GSAP: variants seen among roughly 807,000 people sequenced by gnomAD.
GSAP encodes gamma-secretase-activating protein.
In GSAP, 118 loss-of-function variants were observed where a neutral mutation model predicts 131.7. The observed-to-expected ratio is 0.90, with a 90% CI of 0.77 to 1.04. The LOEUF is 1.04. Among genes scored for constraint, GSAP ranks in the 50% least tolerant of loss-of-function variants. The pLI is 0.00. For missense variants in GSAP, 1,019 were observed against 1,013.2 expected, an observed-to-expected ratio of 1.01 and a Z score of -0.08; for synonymous variants, 381 against 363.4, an observed-to-expected ratio of 1.05 and a Z score of -0.55.
chr7:77,416,160 T>G lies in GSAP; in HGVS notation c.109+53A>C, dbSNP rs573839087. 3.4e-4 allele frequency: 366 copies of G among 1,078,252 alleles called. 1 individual carries two copies. In the African/African-American group the frequency reaches 5.7e-3, roughly 17 times the overall value. The allele number at this position is 1,078,252 out of a possible 1,614,324, so 66.8% of individuals were successfully genotyped here. ...CCACCGGGTCGGAGTCCGGGGGGTA[T>G]GAGGGACTCCCACTCCCCGCCCCCA... On this transcript the variant is annotated intron_variant, in intron 1 of 30. Coordinates refer to ENST00000257626, the MANE Select transcript of GSAP (RefSeq NM_017439.4).
At chr7:77,411,738 T>A (rs1056130117) in intron 1 of GSAP, among the ~76,000 whole-genome samples, 1 of 152,164 alleles carries the variant, frequency 6.6e-6, no homozygotes, top group Non-Finnish European at 1.5e-5. Context: ...CCAAATCAAC[T>A]TTTTTTGTAA....
At chr7:77,368,280 G>A (rs1795602768) in intron 12 of GSAP, among the ~76,000 whole-genome samples, 1 of 152,182 alleles carries the variant, frequency 6.6e-6, no homozygotes, top group African/African-American at 2.4e-5. Flanking sequence ...TTCAGTTGAA[G>A]GCGCTGCATT....
chr7:77,360,780 G>T, intron 14 of GSAP, 44 bp downstream of exon 14: 1 of 1,007,780 alleles, frequency 9.9e-7, no homozygotes, highest in Non-Finnish European at 1.6e-6. Context: ...CCATGCCTAG[G>T]AACAAGTGTT....
chr7:77,380,249 A>G (rs1159475219), intron 8 of GSAP, among the ~76,000 whole-genome samples: 5 of 152,174 alleles, frequency 3.3e-5, no homozygotes, highest in Non-Finnish European at 4.4e-5. Context: ...AAAGGTAAAC[A>G]TACCTTTTCG....
chr7:77,335,950 G>T (rs1473710876), intron 19 of GSAP, among the ~76,000 whole-genome samples: 1 of 152,220 alleles, frequency 6.6e-6, no homozygotes, highest in Non-Finnish European at 1.5e-5. Context: ...GAAAATGTTT[G>T]TGTGTACATA....
At chr7:77,330,027 C>A in intron 20 of GSAP, 1 of 408,934 alleles carries the variant, frequency 2.4e-6, no homozygotes, top group Non-Finnish European at 4.3e-6. Context: ...GCTGTGTGTC[C>A]CCTTAAACTT....
intron 1 of GSAP, among the ~76,000 whole-genome samples, chr7:77,411,176 T>C (rs745775219): frequency 6.8e-5 from 10 of 146,328 alleles, no homozygotes; most frequent in Non-Finnish European, 1.5e-4. Context: ...TAGGAATACA[T>C]AGGAGGCAAC....
intron 10 of GSAP, among the ~76,000 whole-genome samples, chr7:77,376,431 A>T (rs960122956): frequency 6.6e-6 from 1 of 152,212 alleles, no homozygotes; most frequent in South Asian, 2.1e-4. Flanking sequence ...TAACTAACAC[A>T]ACCATCAGGA....
intron 28 of GSAP, among the ~76,000 whole-genome samples, chr7:77,312,426 T>G (rs1408093140): frequency 1.3e-5 from 2 of 152,210 alleles, no homozygotes; most frequent in African/African-American, 4.8e-5. Flanking sequence ...GTTTATACAC[T>G]GATGTTGCCA....
At chr7:77,322,374 T>C (rs900902491) in intron 24 of GSAP, among the ~76,000 whole-genome samples, 6 of 152,152 alleles carry the variant, frequency 3.9e-5, no homozygotes, top group Non-Finnish European at 1.5e-5. Flanking sequence ...GTCAGGGACC[T>C]TGAGTTTTCT....
chr7:77,359,732 C>A (rs1794274031), intron 14 of GSAP, among the ~76,000 whole-genome samples: 1 of 152,176 alleles, frequency 6.6e-6, no homozygotes, highest in South Asian at 2.1e-4. Flanking sequence ...ATCTTGCCTG[C>A]CCTTTGCAAG....
chr7:77,338,087 C>T (rs527283572), intron 19 of GSAP, among the ~76,000 whole-genome samples: 1 of 152,276 alleles, frequency 6.6e-6, no homozygotes, highest in East Asian at 1.9e-4. Flanking sequence ...ACTGCTTATG[C>T]CCAGGAGGTC....
intron 27 of GSAP, among the ~76,000 whole-genome samples, chr7:77,314,058 G>T (rs183628797): frequency 2.6e-4 from 39 of 152,286 alleles, no homozygotes; most frequent in African/African-American, 8.7e-4. Context: ...GTTGTATGTG[G>T]ATTGAAAAGT....
At chr7:77,375,130 C>G in intron 10 of GSAP, 29 bp from the exon 11 acceptor site, 2 of 1,416,180 alleles carry the variant, frequency 1.4e-6, no homozygotes, top group Non-Finnish European at 2.0e-6. Context: ...AAAATGAACC[C>G]AAAATGACAG....
In GSAP at chr7:77,345,367, A is replaced by T. The variant is rs568435076; in HGVS notation, c.1545+3984T>A. On this transcript the variant is annotated intron_variant, in intron 19 of 30. Transcript: ENST00000257626. ...GAGAAACATTGCCCATTATTGCTCC[A>T]TATCACCCCCAAAAAATTTTTGCTG... Among the ~76,000 whole-genome samples the T allele has an allele frequency of 2.6e-5, 4 of 152,266 alleles. No individual in the cohort carries two copies. In the South Asian group the frequency reaches 6.2e-4, roughly 24 times the overall value.
chr7:77,350,692 G>A (rs1299798300), intron 18 of GSAP, among the ~76,000 whole-genome samples: 2 of 152,020 alleles, frequency 1.3e-5, no homozygotes, highest in African/African-American at 4.8e-5. Context: ...GCAGTGAGCT[G>A]AGACTGCACC....
At chr7:77,344,142 C>A (rs575084839) in intron 19 of GSAP, among the ~76,000 whole-genome samples, 2 of 152,304 alleles carry the variant, frequency 1.3e-5, no homozygotes, top group South Asian at 4.1e-4. Context: ...TCCCTTCTGT[C>A]AGATATAATT....
intron 19 of GSAP, among the ~76,000 whole-genome samples, chr7:77,349,105 G>T (rs559171505): frequency 6.6e-6 from 1 of 152,198 alleles, no homozygotes; most frequent in African/African-American, 2.4e-5. Flanking sequence ...GAAGGTTTAA[G>T]TTGAGCACCG....
rs183434435 is a variant in GSAP, at chr7:77,410,570, A to G, written c.110-4465T>C. On this transcript the variant is annotated intron_variant, in intron 1 of 30. Coordinates refer to ENST00000257626, the MANE Select transcript of GSAP (RefSeq NM_017439.4). ...ATTTTGATAGATACTTGCATAGGTAAACCTATAAAAGAAACGAGAGTACCT... is the reference window on the plus strand; with the variant it reads ...ATTTTGATAGATACTTGCATAGGTAGACCTATAAAAGAAACGAGAGTACCT... 1.0e-3 allele frequency among the ~76,000 whole-genome samples: 156 copies of G among 152,308 alleles called. 2 individuals carry two copies. Among genetic ancestry groups the G allele is most frequent in the Non-Finnish European group, 1.3e-3 (87 of 68,020 alleles).
Sources: allele counts gnomAD v4.1 joint callset (sites outside exome capture counted in the v4.1 genomes callset), GRCh38; gene constraint gnomAD v4.1.1; transcripts MANE v1.5; gene names NCBI Gene and HGNC (gene_info 2026-07-23, HGNC 2026-07-21).